KCNIP4: variants seen among roughly 807,000 people sequenced by gnomAD.
KCNIP4 encodes the protein potassium voltage-gated channel interacting protein 4.
Under a neutral mutation model 34.0 loss-of-function variants are expected in KCNIP4, and 12 were observed. That is an observed-to-expected ratio of 0.35 (90% CI 0.23 to 0.57). The LOEUF is 0.57. Among genes scored for constraint, KCNIP4 ranks in the 20% least tolerant of loss-of-function variants. The pLI, the probability that KCNIP4 is intolerant of heterozygous loss-of-function variation, is 0.83. For missense variants in KCNIP4, 238 were observed against 311.7 expected (o/e 0.76, Z 1.78); for synonymous variants, 124 against 102.2 (o/e 1.21, Z -1.29).
chr4:20,935,746 G>C (rs1483939535), intron 1 of KCNIP4, among the ~76,000 whole-genome samples: 1 of 152,102 alleles, frequency 6.6e-6, no homozygotes, highest in African/African-American at 2.4e-5. Context: ...TGACTCAAAA[G>C]TCTTTTTCTG....
At chr4:21,306,650 A>C (rs1040094381) in intron 1 of KCNIP4, among the ~76,000 whole-genome samples, 1 of 152,196 alleles carries the variant, frequency 6.6e-6, no homozygotes, top group Non-Finnish European at 1.5e-5. Context: ...CACAGGATTA[A>C]TATTACTTAA....
At chr4:20,839,216 A>G (rs1377029720) in intron 3 of KCNIP4, among the ~76,000 whole-genome samples, 5 of 152,094 alleles carry the variant, frequency 3.3e-5, no homozygotes, top group Non-Finnish European at 5.9e-5. Flanking sequence ...TAAAACTTAT[A>G]AAGTGATGTC....
At chr4:20,808,674 T>C (rs1054928316) in intron 3 of KCNIP4, among the ~76,000 whole-genome samples, 1 of 152,136 alleles carries the variant, frequency 6.6e-6, no homozygotes, top group Non-Finnish European at 1.5e-5. Flanking sequence ...AAACCCACCC[T>C]TGCCCTTTGT....
chr4:20,802,464 G>A (rs1398721819), intron 3 of KCNIP4, among the ~76,000 whole-genome samples: 1 of 151,894 alleles, frequency 6.6e-6, no homozygotes, highest in Non-Finnish European at 1.5e-5. Flanking sequence ...GAAAATAAAT[G>A]AGGATATAAT....
chr4:21,775,776 T>C (rs1159418490), intron 1 of KCNIP4, among the ~76,000 whole-genome samples: 2 of 152,196 alleles, frequency 1.3e-5, no homozygotes, highest in Non-Finnish European at 2.9e-5. Flanking sequence ...GGACAAGCCT[T>C]GGGACCAAGC....
At chr4:20,831,545 T>G (rs1051180793) in intron 3 of KCNIP4, among the ~76,000 whole-genome samples, 2 of 152,192 alleles carry the variant, frequency 1.3e-5, no homozygotes, top group Admixed American at 1.3e-4. Context: ...GAAAGTGCTA[T>G]GATTAGCCAA....
chr4:20,738,129 CAAA>C (rs200429048), intron 5 of KCNIP4, among the ~76,000 whole-genome samples: 1 of 115,588 alleles, frequency 8.7e-6, no homozygotes, highest in Non-Finnish European at 1.9e-5. Flanking sequence ...GACTCTGTCT[CAAA>C]AAAAAAAAAA....
chr4:21,476,354 T>C (rs115941220), intron 1 of KCNIP4, among the ~76,000 whole-genome samples: 2,279 of 152,316 alleles, frequency 0.015, 61 homozygotes, highest in African/African-American at 0.052. Context: ...ACCTCCAATG[T>C]GACTAAATGT....
intron 1 of KCNIP4, among the ~76,000 whole-genome samples, chr4:21,534,891 G>C (rs907992333): frequency 2.0e-5 from 3 of 152,092 alleles, no homozygotes. Flanking sequence ...TCACATCGTA[G>C]GGCTTTGAAA....
intron 1 of KCNIP4, among the ~76,000 whole-genome samples, chr4:20,902,666 C>T (rs1302828062): frequency 6.6e-6 from 1 of 151,978 alleles, no homozygotes; most frequent in Non-Finnish European, 1.5e-5. Flanking sequence ...GTTACAGGTA[C>T]CTGCCACCAC....
chr4:20,759,018 T>C, intron 3 of KCNIP4, 128 bp from the exon 4 acceptor site: 2 of 668,224 alleles, frequency 3.0e-6, no homozygotes, highest in Non-Finnish European at 5.2e-6. Context: ...CATCCATTAT[T>C]ACAAAGGGAA....
Position 21,125,116 on chromosome 4 carries a change from T to A in KCNIP4, c.62-242407A>T, listed in dbSNP as rs1350402425. ...CTATTGAGAAGCCAGCGTGACTAGA[T>A]GAATAAGCAGTGGTTCTCGGACTTG... is the stretch of plus-strand genomic sequence containing the variant. On this transcript the variant is annotated intron_variant, in intron 1 of 8. Coordinates refer to ENST00000382152, the MANE Select transcript of KCNIP4 (RefSeq NM_025221.6). Among the ~76,000 whole-genome samples, 6 of 150,614 alleles carry A rather than the reference T, an allele frequency of 4.0e-5. 1 individual carries two copies. In the East Asian group the frequency reaches 1.2e-3, roughly 29 times the overall value.
At chr4:21,178,324 A>G (rs1754579932) in intron 1 of KCNIP4, among the ~76,000 whole-genome samples, 1 of 152,158 alleles carries the variant, frequency 6.6e-6, no homozygotes, top group Admixed American at 6.5e-5. Context: ...GAAAACATAA[A>G]CATTGGTTGG....
intron 1 of KCNIP4, among the ~76,000 whole-genome samples, chr4:21,220,822 G>A (rs1225470900): frequency 6.6e-6 from 1 of 152,132 alleles, no homozygotes; most frequent in South Asian, 2.1e-4. Context: ...AGCTATGTGA[G>A]TTAATATATT....
intron 1 of KCNIP4, among the ~76,000 whole-genome samples, chr4:21,689,338 C>T (rs764663187): frequency 4.6e-5 from 7 of 152,080 alleles, no homozygotes; most frequent in African/African-American, 7.2e-5. Flanking sequence ...CTATAGATAA[C>T]AGATCAGTAA....
chr4:21,927,578 A>C (rs1729324365), intron 1 of KCNIP4, among the ~76,000 whole-genome samples: 1 of 152,200 alleles, frequency 6.6e-6, no homozygotes, highest in Non-Finnish European at 1.5e-5. Flanking sequence ...GAATGGCCAT[A>C]ACCCACCTTA....
In KCNIP4 at chr4:20,730,112, G is replaced by A. The variant is rs781507352; in HGVS notation, c.723C>T (p.Arg241=). 7 of 1,608,940 alleles carry A rather than the reference G, an allele frequency of 4.4e-6. No individual in the cohort carries two copies. In the South Asian group the frequency reaches 6.7e-5, roughly 15 times the overall value. ...TCACATTTTCAAAGAGCTGCATGGAGCGCATTATGTTTTCATCCTGTAAGG... is the reference window on the plus strand; with the variant it reads ...TCACATTTTCAAAGAGCTGCATGGAACGCATTATGTTTTCATCCTGTAAGG... ...ESCQKDENIM[R]SMQLFENVI Residue 241 remains arginine (R), a synonymous_variant, in exon 9 of 9, where the codon CGC becomes CGT. Transcript: ENST00000382152.
intron 1 of KCNIP4, among the ~76,000 whole-genome samples, chr4:21,467,533 C>T (rs751195070): frequency 1.1e-4 from 16 of 152,052 alleles, no homozygotes; most frequent in Non-Finnish European, 2.2e-4. Context: ...AAACCAAGGC[C>T]GTCTCCCTCT....
At chr4:21,504,935 G>T (rs926179802) in intron 1 of KCNIP4, among the ~76,000 whole-genome samples, 1 of 152,014 alleles carries the variant, frequency 6.6e-6, no homozygotes, top group South Asian at 2.1e-4. Context: ...TCCTCTTTGT[G>T]GTAAGGTAGC....
Sources: gnomAD v4.1 joint callset for allele counts (sites outside exome capture counted in the v4.1 genomes callset) on GRCh38, gnomAD v4.1.1 for gene constraint, MANE v1.5 for transcripts, NCBI Gene and HGNC (gene_info 2026-07-23, HGNC 2026-07-21) for gene names.